Variants in PCDHGB4 observed in about 807,000 individuals in gnomAD.
PCDHGB4 encodes the protein protocadherin gamma subfamily B, 4.
A neutral mutation model predicts 60.5 loss-of-function variants in PCDHGB4; 38 were observed. The observed-to-expected ratio is 0.63, with a 90% CI of 0.48 to 0.82. The LOEUF (loss-of-function observed/expected upper bound fraction) is 0.82. PCDHGB4 is among the 40% of genes least tolerant of loss of function. The pLI is 0.00. For missense variants in PCDHGB4, 1,109 were observed against 1,209.6 expected, an observed-to-expected ratio of 0.92 and a Z score of 1.23; for synonymous variants, 456 against 509.7, an observed-to-expected ratio of 0.89 and a Z score of 1.42.
intron 1 of PCDHGB4, 148 bp from the exon 2 acceptor site, chr5:141,494,659 T>C (rs749872848): frequency 2.3e-4 from 343 of 1,488,556 alleles, no homozygotes; most frequent in Non-Finnish European, 2.9e-4. Flanking sequence ...ATTTTGTCTT[T>C]GGAGATGAGT....
At chr5:141,506,566 T>C (rs909998933) in intron 3 of PCDHGB4, among the ~76,000 whole-genome samples, 33 of 152,022 alleles carry the variant, frequency 2.2e-4, no homozygotes, top group Non-Finnish European at 2.9e-5. Flanking sequence ...ACCCCCTCGG[T>C]TTCACTTACT....
At chr5:141,457,881 G>T (rs2098931594) in intron 1 of PCDHGB4, among the ~76,000 whole-genome samples, 2 of 152,230 alleles carry the variant, frequency 1.3e-5, no homozygotes, top group African/African-American at 4.8e-5. Context: ...TAGGAACCCT[G>T]TGTGGGGACT....
chr5:141,446,850 C>T (rs1027473189), intron 1 of PCDHGB4, among the ~76,000 whole-genome samples: 2 of 152,114 alleles, frequency 1.3e-5, no homozygotes, highest in Non-Finnish European at 2.9e-5. Flanking sequence ...GCATAATAAG[C>T]TTCCTGATAG....
At chr5:141,449,215 T>C (rs2098631967) in intron 1 of PCDHGB4, among the ~76,000 whole-genome samples, 2 of 152,170 alleles carry the variant, frequency 1.3e-5, no homozygotes, top group Non-Finnish European at 2.9e-5. Context: ...ACTTTCTGTT[T>C]TGAAATGATT....
At chr5:141,394,607 G>C (rs769750411) in intron 1 of PCDHGB4, 10 of 1,613,414 alleles carry the variant, frequency 6.2e-6, no homozygotes, top group South Asian at 2.2e-5. Context: ...ACAGAGACTC[G>C]GGCCAGAACG....
At chr5:141,419,897 A>C in intron 1 of PCDHGB4, 1 of 1,613,960 alleles carries the variant, frequency 6.2e-7, no homozygotes, top group Non-Finnish European at 8.5e-7. Context: ...CGACCATCCC[A>C]CACCCTCTGA....
At position 141,389,014 on chromosome 5, in the gene PCDHGB4, A is replaced by G. The variant is rs768171301; in HGVS notation, c.1130A>G (p.Asn377Ser). The change falls in exon 1 of 4, where the codon AAT becomes AGT. Residue 377 changes from asparagine (N) to serine (S), a missense_variant. Coordinates refer to ENST00000519479, the MANE Select transcript of PCDHGB4 (RefSeq NM_003736.4). ...GTCCGTGACAAGGATTCCAGACACA[A>G]TGGAGAAGTGACTTGTAAATTGGAA... is the stretch of plus-strand genomic sequence containing the variant. The part of the protein sequence containing the change: ...LKVRDKDSRH[N>S]GEVTCKLEGD... 3.3e-5 allele frequency: 54 copies of G among 1,614,000 alleles called. No individual in the cohort carries two copies. The highest frequency in any genetic ancestry group is 4.5e-5 in the Non-Finnish European group (53 of 1,179,858).
chr5:141,388,907 C>T lies in PCDHGB4; in HGVS notation c.1023C>T (p.Asn341=), dbSNP rs1321583045. Residue 341 remains asparagine (N), a synonymous_variant, in exon 1 of 4, where the codon AAC becomes AAT. Transcript: ENST00000519479. ...VEVEVIDEND[N]APEVIFQSLP... ...TAGAAGTCATAGATGAAAATGACAACGCCCCAGAAGTGATATTCCAGTCTC... is the reference window on the plus strand; with the variant it reads ...TAGAAGTCATAGATGAAAATGACAATGCCCCAGAAGTGATATTCCAGTCTC... 3.1e-6 allele frequency: 5 copies of T among 1,613,786 alleles called. No homozygotes were observed. Among genetic ancestry groups the T allele is most frequent in the African/African-American group, 1.3e-5 (1 of 74,902 alleles).
Position 141,421,984 on chromosome 5 carries a change from C to G in PCDHGB4, c.2397+31703C>G, listed in dbSNP as rs201871921. On this transcript the variant is annotated intron_variant, in intron 1 of 3. Transcript: ENST00000519479. ...ACAGTCCGTATATCGCGTGAGTGTT[C>G]CAGAAAACATCAGCTCCGGAACTCG... 21 of 1,608,770 alleles carry G rather than the reference C, an allele frequency of 1.3e-5. No homozygotes were observed. In the Admixed American group the frequency reaches 2.4e-4, roughly 18 times the overall value.
Position 141,449,530 on chromosome 5 carries a change from A to G in PCDHGB4, c.2398-45277A>G, listed in dbSNP as rs2098641850. On this transcript the variant is annotated intron_variant, in intron 1 of 3. Transcript: ENST00000519479. ...CTTGAACCTGGGAGGCGGAGGTTGC[A>G]GTGAGCCGAGATCGCACCACTGCAC... Among the ~76,000 whole-genome samples, 4 of 149,684 alleles carry G rather than the reference A, an allele frequency of 2.7e-5. No individual in the cohort carries two copies. The South Asian group carries it at 8.5e-4, about 32-fold the overall frequency.
In PCDHGB4 at chr5:141,390,164, G is replaced by A. The variant is rs370376667; in HGVS notation, c.2280G>A (p.Thr760=). 200 of 1,613,888 alleles carry A rather than the reference G, an allele frequency of 1.2e-4. No homozygotes were observed. Among genetic ancestry groups the A allele is most frequent in the Non-Finnish European group, 1.6e-4 (191 of 1,179,908 alleles). Residue 760 remains threonine, a synonymous_variant, in exon 1 of 4, where the codon ACG becomes ACA. Coordinates refer to ENST00000519479, the MANE Select transcript of PCDHGB4 (RefSeq NM_003736.4). ...YNLCVAHTGK[T]EFNFLKCSEQ... ...TATGTGTTGCACATACAGGAAAGAC[G>A]GAGTTTAATTTCCTAAAATGTAGTG...
In PCDHGB4 at chr5:141,485,513, T is replaced by C. The variant is rs751762068; in HGVS notation, c.2398-9294T>C. The C allele has an allele frequency of 4.3e-6, 7 of 1,613,938 alleles. No homozygotes were observed. The highest frequency in any genetic ancestry group is 2.2e-5 in the East Asian group (1 of 44,890). On this transcript the variant is annotated intron_variant, in intron 1 of 3. Coordinates refer to ENST00000519479, the MANE Select transcript of PCDHGB4 (RefSeq NM_003736.4). The surrounding 1 kb of genome is among the most constrained non-coding windows in gnomAD (Gnocchi z 5.7). ...CCTGGAGTTTGTCACCGAAGGTCCTTTGGAAATGTACCGAGCAGAGGTAGA... is the reference window on the plus strand; with the variant it reads ...CCTGGAGTTTGTCACCGAAGGTCCTCTGGAAATGTACCGAGCAGAGGTAGA...
chr5:141,390,281 G>A lies in PCDHGB4; in HGVS notation c.2397G>A (p.Gln799=), dbSNP rs995951705. ...LCNSSELTSH[Q]QAPPNTDWRF... Reference sequence around the variant, plus strand: ...ATTCCAGTGAATTGACTTCCCATCAGGTGAGTTTCCTTTAAGTATAATTTA... The same window carrying A: ...ATTCCAGTGAATTGACTTCCCATCAAGTGAGTTTCCTTTAAGTATAATTTA... The change falls in exon 1 of 4, where the codon CAG becomes CAA. Residue 799 remains glutamine, a splice_region_variant and synonymous_variant. Coordinates refer to ENST00000519479, the MANE Select transcript of PCDHGB4 (RefSeq NM_003736.4). The A allele has an allele frequency of 1.9e-6, 3 of 1,613,968 alleles. No individual in the cohort carries two copies. The highest frequency in any genetic ancestry group is 1.6e-4 in the Middle Eastern group (1 of 6,062).
chr5:141,394,458 A>T, intron 1 of PCDHGB4: 1 of 1,614,218 alleles, frequency 6.2e-7, no homozygotes, highest in Non-Finnish European at 8.5e-7. Context: ...CATGTCACTG[A>T]GCCTGTTCGT....
At chr5:141,478,505 T>C (rs1298083274) in intron 1 of PCDHGB4, 3 of 1,612,032 alleles carry the variant, frequency 1.9e-6, no homozygotes, top group Non-Finnish European at 2.5e-6. Context: ...TCCGGTGTTC[T>C]ATAGGCAGGT....
intron 1 of PCDHGB4, among the ~76,000 whole-genome samples, chr5:141,425,629 C>G (rs1297803997): frequency 1.3e-5 from 2 of 152,162 alleles, no homozygotes; most frequent in Admixed American, 1.3e-4. Flanking sequence ...CTCCAGTTTT[C>G]TCTGATAAAA....
At chr5:141,448,667 G>A (rs1262994760) in intron 1 of PCDHGB4, among the ~76,000 whole-genome samples, 6 of 151,990 alleles carry the variant, frequency 3.9e-5, no homozygotes, top group African/African-American at 9.7e-5. Flanking sequence ...TTGGCCGGGC[G>A]CGGTGGCTCA....
chr5:141,436,051 A>G (rs2097793554), intron 1 of PCDHGB4, among the ~76,000 whole-genome samples: 1 of 152,194 alleles, frequency 6.6e-6, no homozygotes, highest in Admixed American at 6.5e-5. Flanking sequence ...ATTAGTTTTC[A>G]AATAGAATTT....
chr5:141,439,172 G>A (rs1181712838), intron 1 of PCDHGB4, among the ~76,000 whole-genome samples: 1 of 147,496 alleles, frequency 6.8e-6, no homozygotes, highest in Admixed American at 6.8e-5. Context: ...CAGCCTGGGC[G>A]ACATAGTGAG....
Sources: gnomAD v4.1 joint callset for allele counts (sites outside exome capture counted in the v4.1 genomes callset) on GRCh38, gnomAD v4.1.1 for gene constraint, Gnocchi (gnomAD v3.1) non-coding constraint, MANE v1.5 for transcripts, NCBI Gene and HGNC (gene_info 2026-07-23, HGNC 2026-07-21) for gene names.